Variants in NAPB observed in about 807,000 individuals in gnomAD.
The protein encoded by NAPB is NSF attachment protein beta.
A neutral mutation model predicts 44.7 loss-of-function variants in NAPB; 26 were observed. The ratio of observed to expected loss-of-function variants is 0.58; its 90% confidence interval spans 0.43 to 0.81. NAPB has a LOEUF of 0.81. Among genes scored for constraint, NAPB ranks in the 30% least tolerant of loss-of-function variants. The pLI is 0.00. For missense variants in NAPB, 315 were observed against 356.4 expected (o/e 0.88, Z 0.94); for synonymous variants, 120 against 116.8 (o/e 1.03, Z -0.18).
At chr20:23,397,373 C>G (rs1984448319) in intron 2 of NAPB, among the ~76,000 whole-genome samples, 185 bp from the exon 3 acceptor site, 1 of 152,226 alleles carries the variant, frequency 6.6e-6, no homozygotes, top group Non-Finnish European at 1.5e-5. Context: ...TCAAGTCAAA[C>G]AGCGATGAAA....
intron 1 of NAPB, among the ~76,000 whole-genome samples, chr20:23,419,145 T>C (rs1314931832): frequency 6.6e-6 from 1 of 152,200 alleles, no homozygotes; most frequent in Non-Finnish European, 1.5e-5. Context: ...CCATAAATTT[T>C]GAGATATACT....
chr20:23,404,050 T>C (rs1424428266), intron 1 of NAPB, among the ~76,000 whole-genome samples: 1 of 152,188 alleles, frequency 6.6e-6, no homozygotes, highest in East Asian at 1.9e-4. Context: ...TGCAAAGTTC[T>C]TTACCAAGCA....
At chr20:23,419,694 A>G (rs1986252161) in intron 1 of NAPB, among the ~76,000 whole-genome samples, 1 of 152,256 alleles carries the variant, frequency 6.6e-6, no homozygotes, top group South Asian at 2.1e-4. Flanking sequence ...TGGTACTGTC[A>G]TAACTTTTAA....
intron 1 of NAPB, 33 bp downstream of exon 1, chr20:23,421,272 C>G (rs757633372): frequency 1.4e-6 from 2 of 1,406,198 alleles, no homozygotes; most frequent in Middle Eastern, 1.8e-4. Flanking sequence ...CGGAGACCCC[C>G]CCCCCCCAGG....
At chr20:23,390,112 T>C in intron 6 of NAPB, 82 bp from the exon 7 acceptor site, 1 of 1,519,922 alleles carries the variant, frequency 6.6e-7, no homozygotes, top group Non-Finnish European at 9.1e-7. Context: ...TACATCTTCA[T>C]TTGGTATAGT....
At chr20:23,386,009 T>TAGAA (rs1470934611) in intron 7 of NAPB, among the ~76,000 whole-genome samples, 1 of 151,992 alleles carries the variant, frequency 6.6e-6, no homozygotes, top group Non-Finnish European at 1.5e-5. Context: ...AAGTCAACAA[T>TAGAA]AGAAAGATTA....
chr20:23,409,895 G>A (rs1985532446), intron 1 of NAPB, among the ~76,000 whole-genome samples: 1 of 152,190 alleles, frequency 6.6e-6, no homozygotes, highest in Admixed American at 6.5e-5. Flanking sequence ...GGCGTCTGTC[G>A]ACAGGAGAGG....
intron 5 of NAPB, among the ~76,000 whole-genome samples, chr20:23,390,746 CCAA>C (rs1983886204): frequency 6.6e-6 from 1 of 151,882 alleles, no homozygotes; most frequent in South Asian, 2.1e-4. Flanking sequence ...CAAGGTACCT[CCAA>C]CCCCAGTGTC....
At chr20:23,414,433 T>G (rs960251024) in intron 1 of NAPB, among the ~76,000 whole-genome samples, 3 of 152,228 alleles carry the variant, frequency 2.0e-5, no homozygotes, top group Non-Finnish European at 4.4e-5. Flanking sequence ...CGAGGCCTCA[T>G]ATTTACTAAT....
intron 2 of NAPB, among the ~76,000 whole-genome samples, chr20:23,397,840 C>T (rs1454812506): frequency 6.6e-6 from 1 of 152,186 alleles, no homozygotes; most frequent in African/African-American, 2.4e-5. Context: ...ACTGATGGAT[C>T]TGGTTGTGGG....
intron 2 of NAPB, 50 bp downstream of exon 2, chr20:23,402,943 A>C (rs1281858631): frequency 2.1e-6 from 3 of 1,419,598 alleles, no homozygotes; most frequent in Non-Finnish European, 3.0e-6. Flanking sequence ...CTCCCTTCAA[A>C]GTGATTTTAA....
In NAPB at chr20:23,397,176, G is replaced by A; in HGVS notation, c.191C>T (p.Ala64Val). The A allele has an allele frequency of 1.2e-6, 2 of 1,611,736 alleles. No individual in the cohort carries two copies. Among genetic ancestry groups the A allele is most frequent in the Non-Finnish European group, 8.5e-7 (1 of 1,178,306 alleles). Residue 64 changes from alanine (A) to valine (V), a missense_variant, in exon 3 of 11, where the codon GCA (alanine) becomes GTA (valine). Ala to Val is a moderately conservative substitution (Grantham distance 64). Transcript: ENST00000377026. Reference protein sequence around the residue: ...MAKNWSAAGNAFCQAAKLHMQ... With the variant: ...MAKNWSAAGNVFCQAAKLHMQ... ...GTGGAGCTTGGCTGCCTGACAAAAT[G>A]CGTTTCCTGCAGCTGAAGAAGACAC...
chr20:23,417,707 C>T (rs577535511), intron 1 of NAPB, among the ~76,000 whole-genome samples: 16 of 152,222 alleles, frequency 1.1e-4, no homozygotes, highest in African/African-American at 3.8e-4. Context: ...TACAAAAGCA[C>T]ATTACTGCTT....
intron 1 of NAPB, among the ~76,000 whole-genome samples, chr20:23,417,141 T>TGG (rs1986062084): frequency 6.7e-6 from 1 of 150,214 alleles, no homozygotes; most frequent in Admixed American, 6.7e-5. Context: ...TGGAGTGCAG[T>TGG]GGCACAATCT....
At chr20:23,383,205 A>T (rs1568603941) in intron 7 of NAPB, among the ~76,000 whole-genome samples, 1 of 151,980 alleles carries the variant, frequency 6.6e-6, no homozygotes, top group Admixed American at 6.6e-5. Flanking sequence ...ACTTGAAGAA[A>T]TAACTGCTAA....
chr20:23,379,529 T>A (rs1284681460), intron 9 of NAPB, 34 bp from the exon 10 acceptor site: 2 of 1,517,824 alleles, frequency 1.3e-6, no homozygotes, highest in East Asian at 4.5e-5. Flanking sequence ...AAAACAGTTC[T>A]GTAAGATGAA....
At chr20:23,408,323 A>G (rs184909600) in intron 1 of NAPB, among the ~76,000 whole-genome samples, 3 of 152,350 alleles carry the variant, frequency 2.0e-5, no homozygotes, top group Non-Finnish European at 2.9e-5. Context: ...GGGAAGAGGA[A>G]GCAGCACAGG....
At chr20:23,402,102 C>CAAAGATCTTT (rs1010930805) in intron 2 of NAPB, among the ~76,000 whole-genome samples, 2 of 152,156 alleles carry the variant, frequency 1.3e-5, no homozygotes, top group African/African-American at 4.8e-5. Context: ...AAACTTCTTA[C>CAAAGATCTTT]AAAGATCTTT....
intron 1 of NAPB, among the ~76,000 whole-genome samples, chr20:23,411,882 A>G (rs1985681646): frequency 6.6e-6 from 1 of 152,230 alleles, no homozygotes; most frequent in Non-Finnish European, 1.5e-5. Flanking sequence ...TAAATATAGT[A>G]GTATGACAGT....
Sources: allele counts gnomAD v4.1 joint callset (sites outside exome capture counted in the v4.1 genomes callset), GRCh38; gene constraint gnomAD v4.1.1; transcripts MANE v1.5; gene names NCBI Gene and HGNC (gene_info 2026-07-23, HGNC 2026-07-21).